Variants in OR56A1 observed in about 807,000 individuals in gnomAD.
OR56A1 encodes the protein olfactory receptor 56A1.
For synonymous variants in OR56A1, 174 were observed against 159.1 expected (o/e 1.09, Z -0.70); for missense variants, 360 against 380.9 (o/e 0.94, Z 0.46).
chr11:6,028,619 A>C lies in OR56A1; in HGVS notation c.-34-893T>G. ...CTAGTCAGAATGGCTATTATCAAAA[A>C]TACAAAAAATAACAGATATTTGCAA... On this transcript the variant is annotated intron_variant, in intron 1 of 1. Coordinates refer to ENST00000641900, the MANE Select transcript of OR56A1 (RefSeq NM_001388488.1). 1.3e-5 allele frequency among the ~76,000 whole-genome samples: 2 copies of C among 152,306 alleles called. 1 individual carries two copies. Among genetic ancestry groups the C allele is most frequent in the South Asian group, 4.1e-4 (2 of 4,826 alleles).
rs921918358 is a variant in OR56A1 at position 6,021,737 on chromosome 11, A to G, written c.*5011T>C. The G allele has an allele frequency of 1.3e-5, 2 of 152,150 alleles. No individual in the cohort carries two copies. Among genetic ancestry groups the G allele is most frequent in the Non-Finnish European group, 2.9e-5 (2 of 68,008 alleles). The allele number at this position is 152,150 out of a possible 1,614,324, so 9.4% of individuals were successfully genotyped here. On this transcript the variant is annotated 3_prime_UTR_variant, in exon 2 of 2. Coordinates refer to ENST00000641900, the MANE Select transcript of OR56A1 (RefSeq NM_001388488.1). The stretch of plus-strand genomic sequence containing the variant: ...CAAAGGCAGATGGCATTAAAAAAAC[A>G]ATAAAAAGCAATGATCAGGACATTG...
chr11:6,020,366 G>A lies in OR56A1; in HGVS notation c.*6382C>T, dbSNP rs1848383059. Reference sequence around the variant, plus strand: ...AAAGAATGTCATTGGTAGTTTGACTGGAATAGCATTGAATCTGTAAATTGC... The same window carrying A: ...AAAGAATGTCATTGGTAGTTTGACTAGAATAGCATTGAATCTGTAAATTGC... On this transcript the variant is annotated 3_prime_UTR_variant, in exon 2 of 2. Coordinates refer to ENST00000641900, the MANE Select transcript of OR56A1 (RefSeq NM_001388488.1). The A allele has an allele frequency of 6.6e-6, 1 of 152,038 alleles. No individual in the cohort carries two copies. Among genetic ancestry groups the A allele is most frequent in the African/African-American group, 2.4e-5 (1 of 41,398 alleles). 9.4% of individuals were successfully genotyped at this position (152,038 alleles called of 1,614,324 possible).
upstream of OR56A1, among the ~76,000 whole-genome samples, chr11:6,034,007 G>A (rs1331439622): frequency 1.3e-5 from 2 of 152,054 alleles, no homozygotes; most frequent in African/African-American, 4.8e-5. Context: ...TAGACCTTCT[G>A]TTCCTGGTCA....
upstream of OR56A1, among the ~76,000 whole-genome samples, chr11:6,032,307 G>A (rs1198092245): frequency 4.6e-5 from 7 of 152,128 alleles, no homozygotes; most frequent in Admixed American, 4.6e-4. Flanking sequence ...AGGAAAGTAA[G>A]ATAATTGAGG....
At chr11:6,030,836 T>A (rs1237335656), upstream of OR56A1, 1 of 150,744 alleles carries the variant, frequency 6.6e-6, no homozygotes, top group East Asian at 1.9e-4. Flanking sequence ...CATCTGTAGT[T>A]ATACATTTAT....
chr11:6,031,443 A>G (rs1048464599), upstream of OR56A1, among the ~76,000 whole-genome samples: 1 of 152,168 alleles, frequency 6.6e-6, no homozygotes, highest in African/African-American at 2.4e-5. Flanking sequence ...GGGTAAGGCA[A>G]GAGAGCAGAA....
chr11:6,032,874 C>T (rs1017732331), upstream of OR56A1, among the ~76,000 whole-genome samples: 3 of 152,124 alleles, frequency 2.0e-5, no homozygotes, highest in Non-Finnish European at 2.9e-5. Context: ...TGAATTTCAT[C>T]CTGTCAAAAT....
chr11:6,027,535 T>C lies in OR56A1; in HGVS notation c.158A>G (p.Gln53Arg). Residue 53 changes from glutamine to arginine, a missense_variant, in exon 2 of 2, where the codon CAG (glutamine) becomes CGG (arginine). Transcript: ENST00000641900. ...GANTTLLITI[Q>R]LEASLHQPLY... ...GGGCTGGTGCAGAGAGGCCTCCAGCTGGATGGTGATCAGGAGGGTGGTGTT... is the reference window on the plus strand; with the variant it reads ...GGGCTGGTGCAGAGAGGCCTCCAGCCGGATGGTGATCAGGAGGGTGGTGTT... 6.2e-7 allele frequency: 1 copy of C among 1,613,986 alleles called. No individual in the cohort carries two copies. Among genetic ancestry groups the C allele is most frequent in the Non-Finnish European group, 8.5e-7 (1 of 1,180,000 alleles).
chr11:6,034,023 G>C (rs932930865), upstream of OR56A1, among the ~76,000 whole-genome samples: 1 of 152,122 alleles, frequency 6.6e-6, no homozygotes, highest in Non-Finnish European at 1.5e-5. Flanking sequence ...GGTCAGGCAA[G>C]ATGAAGCCCA....
At chr11:6,031,716 C>T (rs558019456), upstream of OR56A1, among the ~76,000 whole-genome samples, 7 of 152,020 alleles carry the variant, frequency 4.6e-5, no homozygotes, top group Non-Finnish European at 8.8e-5. Flanking sequence ...ATGTCAAGAA[C>T]GAGGTGTTTA....
chr11:6,019,664 A>G lies in OR56A1; in HGVS notation c.*7084T>C, dbSNP rs910296983. On this transcript the variant is annotated 3_prime_UTR_variant, in exon 2 of 2. Coordinates refer to ENST00000641900, the MANE Select transcript of OR56A1 (RefSeq NM_001388488.1). Reference sequence around the variant, plus strand: ...AGAATTATGGGTGCAGGAAAGACCCACCCCCATAATTAAATTGCCTCCCAA... The same window carrying G: ...AGAATTATGGGTGCAGGAAAGACCCGCCCCCATAATTAAATTGCCTCCCAA... 6.6e-6 allele frequency: 1 copy of G among 152,030 alleles called. No individual in the cohort carries two copies. The highest frequency in any genetic ancestry group is 2.4e-5 in the African/African-American group (1 of 41,422). 9.4% of individuals were successfully genotyped at this position (152,030 alleles called of 1,614,324 possible).
rs1848426159 is a variant in OR56A1 at position 6,024,346 on chromosome 11, T to C, written c.*2402A>G. 6.6e-6 allele frequency: 1 copy of C among 152,210 alleles called. No homozygotes were observed. Among genetic ancestry groups the C allele is most frequent in the Non-Finnish European group, 1.5e-5 (1 of 68,038 alleles). 9.4% of individuals were successfully genotyped at this position (152,210 alleles called of 1,614,324 possible). On this transcript the variant is annotated 3_prime_UTR_variant, in exon 2 of 2. Transcript: ENST00000641900. ...CCAGTTTGAGTCAAGCATCTCATAA[T>C]TGTGTTGGCCATTTGCATTGATCTA...
rs1848458510 is a variant in OR56A1 at position 6,027,148 on chromosome 11, C to G, written c.545G>C (p.Cys182Ser). 6.2e-7 allele frequency: 1 copy of G among 1,614,056 alleles called. No homozygotes were observed. Among genetic ancestry groups the G allele is most frequent in the Non-Finnish European group, 8.5e-7 (1 of 1,180,020 alleles). The change falls in exon 2 of 2, where the codon TGT (cysteine) becomes TCT (serine). Residue 182 changes from cysteine (C) to serine (S), a missense_variant. Physicochemically the swap from Cys to Ser is moderately radical, Grantham distance 112. Transcript: ENST00000641900. Reference sequence around the variant, plus strand: ...GAGCCTGGACACAGACAAGTTGGCACAGATGCAGTTCTCAATGACATTTTC... The same window carrying G: ...GAGCCTGGACACAGACAAGTTGGCAGAGATGCAGTTCTCAATGACATTTTC... ...CGENVIENCICANLSVSRLSC... is the reference protein window; with the variant it reads ...CGENVIENCISANLSVSRLSC...
Position 6,024,787 on chromosome 11 carries a change from T to C in OR56A1, c.*1961A>G, listed in dbSNP as rs1848430720. On this transcript the variant is annotated 3_prime_UTR_variant, in exon 2 of 2. Transcript: ENST00000641900. ...AAAACAGTGAGAGATAAAACTCTCT[T>C]AGCAACTGTGAAATGGAGAGAAGTT... 6.6e-6 allele frequency: 1 copy of C among 152,168 alleles called. No individual in the cohort carries two copies. Among genetic ancestry groups the C allele is most frequent in the South Asian group, 2.1e-4 (1 of 4,832 alleles). 9.4% of individuals were successfully genotyped at this position (152,168 alleles called of 1,614,324 possible).
chr11:6,023,618 A>G lies in OR56A1; in HGVS notation c.*3130T>C, dbSNP rs944947134. On this transcript the variant is annotated 3_prime_UTR_variant, in exon 2 of 2. Coordinates refer to ENST00000641900, the MANE Select transcript of OR56A1 (RefSeq NM_001388488.1). ...TGAGGGGAGTGACCTTTGGAAAGCT[A>G]CTCCTGTCTCTCTTCTCATGTTCTG... The G allele has an allele frequency of 2.0e-5, 3 of 151,942 alleles. No individual in the cohort carries two copies. The highest frequency in any genetic ancestry group is 2.0e-4 in the Admixed American group (3 of 15,248). The allele number at this position is 151,942 out of a possible 1,614,324, so 9.4% of individuals were successfully genotyped here.
chr11:6,031,971 G>T (rs1848516986), upstream of OR56A1, among the ~76,000 whole-genome samples: 1 of 152,006 alleles, frequency 6.6e-6, no homozygotes, highest in Non-Finnish European at 1.5e-5. Flanking sequence ...AGATGCCCCA[G>T]AAAAAACCAA....
rs1056419292 is a variant in OR56A1 at position 6,027,541 on chromosome 11, G to A, written c.152C>T (p.Thr51Ile). ...GTGCAGAGAGGCCTCCAGCTGGATG[G>A]TGATCAGGAGGGTGGTGTTAGCTCC... The part of the protein sequence containing the change: ...AMGANTTLLI[T>I]IQLEASLHQP... Residue 51 changes from threonine (T) to isoleucine (I), a missense_variant, in exon 2 of 2, where the codon ACC becomes ATC. Coordinates refer to ENST00000641900, the MANE Select transcript of OR56A1 (RefSeq NM_001388488.1). 4.3e-6 allele frequency: 7 copies of A among 1,614,024 alleles called. No individual in the cohort carries two copies. Among genetic ancestry groups the A allele is most frequent in the Non-Finnish European group, 5.1e-6 (6 of 1,180,012 alleles).
At position 6,023,304 on chromosome 11, in the gene OR56A1, AG is replaced by A. The variant is rs1482776017; in HGVS notation, c.*3443del. ...TCTCACTGCCTAGAATATACACCAA[AG>A]CATAATAAAGTATCAGGATGGCTAG... On this transcript the variant is annotated 3_prime_UTR_variant, in exon 2 of 2. Coordinates refer to ENST00000641900, the MANE Select transcript of OR56A1 (RefSeq NM_001388488.1). 1 of 152,218 alleles carries A rather than the reference AG, an allele frequency of 6.6e-6. No individual in the cohort carries two copies. The highest frequency in any genetic ancestry group is 1.5e-5 in the Non-Finnish European group (1 of 68,036). The allele number at this position is 152,218 out of a possible 1,614,324, so 9.4% of individuals were successfully genotyped here.
At chr11:6,031,670 T>C (rs1378863835), upstream of OR56A1, among the ~76,000 whole-genome samples, 1 of 152,188 alleles carries the variant, frequency 6.6e-6, no homozygotes, top group African/African-American at 2.4e-5. Flanking sequence ...AGATGTAAAA[T>C]ACAGCTAAAT....
Sources: gnomAD v4.1 joint callset for allele counts (sites outside exome capture counted in the v4.1 genomes callset) on GRCh38, gnomAD v4.1.1 for gene constraint, MANE v1.5 for transcripts, NCBI Gene and HGNC (gene_info 2026-07-23, HGNC 2026-07-21) for gene names.